APBA1: variants seen among roughly 807,000 people sequenced by gnomAD.
APBA1 encodes amyloid beta precursor protein binding family A member 1.
In APBA1, 55 loss-of-function variants were observed where a neutral mutation model predicts 86.6. The observed-to-expected ratio is 0.64, with a 90% CI of 0.51 to 0.80. APBA1 has a LOEUF of 0.80. Among genes scored for constraint, APBA1 ranks in the 30% least tolerant of loss-of-function variants. The probability of loss-of-function intolerance (pLI) is 0.00; values close to 1 mark genes in which losing one functional copy is unlikely to be tolerated. For synonymous variants in APBA1, 511 were observed against 493.9 expected (o/e 1.03, Z -0.46); for missense variants, 1,090 against 1,183.0 (o/e 0.92, Z 1.15).
In APBA1 at chr9:69,431,235, G is replaced by C; in HGVS notation, c.*92C>G. On this transcript the variant is annotated 3_prime_UTR_variant, in exon 13 of 13. Coordinates refer to ENST00000265381, the MANE Select transcript of APBA1 (RefSeq NM_001163.4). ...GTAAAACCAAATGCTGGGCGCGAGA[G>C]GGGAAAGTCTCAGTGGACACAGGGA... The C allele has an allele frequency of 1.0e-6, 1 of 974,300 alleles. No individual in the cohort carries two copies. The highest frequency in any genetic ancestry group is 1.5e-6 in the Non-Finnish European group (1 of 669,986). The allele number at this position is 974,300 out of a possible 1,614,324, so 60.4% of individuals were successfully genotyped here. A position where few individuals can be genotyped will look rare whatever the true frequency, so the allele number is the denominator to read the frequency against.
intron 1 of APBA1, among the ~76,000 whole-genome samples, chr9:69,620,536 G>A (rs1335818462): frequency 6.6e-6 from 1 of 152,186 alleles, no homozygotes; most frequent in Admixed American, 6.5e-5. Flanking sequence ...AATTAGCTGG[G>A]CATGGTGGCA....
At chr9:69,432,018 ATGACAGCAGTGATGAC>A (rs1262265258) in intron 12 of APBA1, among the ~76,000 whole-genome samples, 3 of 148,826 alleles carry the variant, frequency 2.0e-5, no homozygotes, top group East Asian at 3.9e-4. Flanking sequence ...GCAGTGATGA[ATGACAGCAGTGATGAC>A]TGACAGTAGT....
chr9:69,427,832 A>AAATAC lies in APBA1; in HGVS notation c.*3490_*3494dup, dbSNP rs149737928. 1,425 of 152,264 alleles carry AAATAC rather than the reference A, an allele frequency of 9.4e-3. 15 individuals are homozygous for AAATAC. Among genetic ancestry groups the AAATAC allele is most frequent in the African/African-American group, 0.032 (1,344 of 41,538 alleles). 9.4% of individuals were successfully genotyped at this position (152,264 alleles called of 1,614,324 possible). ...TGTATACAAAGAACGATATTGTTAC[A>AAATAC]AATACAATACTATACTTCTCCCGAC... is the stretch of plus-strand genomic sequence containing the variant. On this transcript the variant is annotated 3_prime_UTR_variant, in exon 13 of 13. Coordinates refer to ENST00000265381, the MANE Select transcript of APBA1 (RefSeq NM_001163.4).
At chr9:69,656,413 G>C (rs1823612666) in intron 1 of APBA1, among the ~76,000 whole-genome samples, 1 of 152,122 alleles carries the variant, frequency 6.6e-6, no homozygotes, top group Non-Finnish European at 1.5e-5. Flanking sequence ...CAGCAAAAAA[G>C]GAATGAATCA....
intron 1 of APBA1, among the ~76,000 whole-genome samples, chr9:69,554,297 A>G (rs1836829741): frequency 6.6e-6 from 1 of 152,226 alleles, no homozygotes; most frequent in African/African-American, 2.4e-5. Flanking sequence ...AGGGGCATTA[A>G]GTAAATTAAG....
At chr9:69,523,499 A>ATG (rs1311222029) in intron 1 of APBA1, among the ~76,000 whole-genome samples, 1,445 of 30,784 alleles carry the variant, frequency 0.047, 4 homozygotes, top group South Asian at 0.1. Flanking sequence ...ATATATATGT[A>ATG]TATATATATA....
chr9:69,580,961 T>C (rs1821903922), intron 1 of APBA1, among the ~76,000 whole-genome samples: 1 of 152,166 alleles, frequency 6.6e-6, no homozygotes, highest in Admixed American at 6.6e-5. Context: ...CCTGGATCCA[T>C]CTTTGCCATG....
At chr9:69,495,519 C>A (rs1448348847) in intron 2 of APBA1, among the ~76,000 whole-genome samples, 1 of 152,032 alleles carries the variant, frequency 6.6e-6, no homozygotes, top group Non-Finnish European at 1.5e-5. Context: ...CAACTGGTAA[C>A]AGGAGATGTG....
At chr9:69,487,262 C>T (rs1182370364) in intron 2 of APBA1, among the ~76,000 whole-genome samples, 1 of 151,992 alleles carries the variant, frequency 6.6e-6, no homozygotes, top group Non-Finnish European at 1.5e-5. Context: ...TCTATGTGGG[C>T]CATTCATTCA....
rs1029044715 is a variant in APBA1 at position 69,516,680 on chromosome 9, G to A, written c.531C>T (p.Arg177=). The A allele has an allele frequency of 6.8e-6, 11 of 1,610,124 alleles. No homozygotes were observed. Among genetic ancestry groups the A allele is most frequent in the Admixed American group, 5.0e-5 (3 of 59,792 alleles). ...GYVYTHRLFH[R]GEDEPYSEPY... ...GCTCGGAGTAGGGCTCGTCCTCACC[G>A]CGGTGGAAGAGCCGGTGCGTGTAGA... Residue 177 remains arginine (R), a synonymous_variant, in exon 2 of 13, where the codon CGC becomes CGT. Coordinates refer to ENST00000265381, the MANE Select transcript of APBA1 (RefSeq NM_001163.4). The surrounding 1 kb of genome is among the most constrained non-coding windows in gnomAD (Gnocchi z 7.3).
Position 69,429,844 on chromosome 9 carries a change from T to A in APBA1, c.*1483A>T, listed in dbSNP as rs139220399. 6.6e-6 allele frequency: 1 copy of A among 152,030 alleles called. No individual in the cohort carries two copies. Among genetic ancestry groups the A allele is most frequent in the Non-Finnish European group, 1.5e-5 (1 of 68,028 alleles). The allele number at this position is 152,030 out of a possible 1,614,324, so 9.4% of individuals were successfully genotyped here. A position where few individuals can be genotyped will look rare whatever the true frequency, so the allele number is the denominator to read the frequency against. ...CAAAATATAATAGTTTCTCTTCCCCTGTCTCTACTGAGGTCATGAATGAAA... is the reference window on the plus strand; with the variant it reads ...CAAAATATAATAGTTTCTCTTCCCCAGTCTCTACTGAGGTCATGAATGAAA... On this transcript the variant is annotated 3_prime_UTR_variant, in exon 13 of 13. Transcript: ENST00000265381.
At chr9:69,533,338 GT>G (rs1478794873) in intron 1 of APBA1, among the ~76,000 whole-genome samples, 3 of 152,062 alleles carry the variant, frequency 2.0e-5, no homozygotes, top group Non-Finnish European at 4.4e-5. Flanking sequence ...ACATTACGAT[GT>G]TTGAACCATG....
At chr9:69,592,524 G>A (rs1822151056) in intron 1 of APBA1, among the ~76,000 whole-genome samples, 1 of 152,210 alleles carries the variant, frequency 6.6e-6, no homozygotes, top group Admixed American at 6.5e-5. Flanking sequence ...TGAGCCAGGA[G>A]TTCAAAGTTA....
rs1823719650 is a variant in APBA1, at chr9:69,660,014, C to T, written c.-70+12139G>A. ...TCTTCCCACCCCTTAACTACATACC[C>T]ACGTGCACACACTTACACACAATCC... On this transcript the variant is annotated intron_variant, in intron 1 of 12. Coordinates refer to ENST00000265381, the MANE Select transcript of APBA1 (RefSeq NM_001163.4). 2.0e-5 allele frequency among the ~76,000 whole-genome samples: 3 copies of T among 152,278 alleles called. No individual in the cohort carries two copies. In the South Asian group the frequency reaches 6.2e-4, roughly 32 times the overall value.
chr9:69,643,146 A>C (rs1404628347), intron 1 of APBA1, among the ~76,000 whole-genome samples: 2 of 152,080 alleles, frequency 1.3e-5, no homozygotes, highest in African/African-American at 4.8e-5. Flanking sequence ...AATACTCTGC[A>C]CTTACATTTG....
At chr9:69,548,363 A>G (rs554964814) in intron 1 of APBA1, among the ~76,000 whole-genome samples, 4 of 152,316 alleles carry the variant, frequency 2.6e-5, no homozygotes, top group East Asian at 1.9e-4. Flanking sequence ...TTTTAGCTCC[A>G]TGGGACCTGT....
At chr9:69,627,879 C>T (rs1452398910) in intron 1 of APBA1, among the ~76,000 whole-genome samples, 2 of 152,146 alleles carry the variant, frequency 1.3e-5, no homozygotes, top group African/African-American at 4.8e-5. Context: ...CTAACAGGCA[C>T]TGGTGGGGGA....
intron 2 of APBA1, among the ~76,000 whole-genome samples, chr9:69,514,839 A>G (rs7036621): frequency 0.99 from 151,403 of 152,248 alleles, 75,287 homozygotes; most frequent in Middle Eastern, 1. Flanking sequence ...CCTGGGAGGC[A>G]GAGGTTACGG....
Position 69,649,767 on chromosome 9 carries a change from T to C in APBA1, c.-70+22386A>G, listed in dbSNP as rs374568328. On this transcript the variant is annotated intron_variant, in intron 1 of 12. Transcript: ENST00000265381. ...CTCTTGCCAAACAAGAGTCAGTTTT[T>C]CAGGGCCTCAGAGGGTCTGGAGGAA... Among the ~76,000 whole-genome samples, 136 of 152,216 alleles carry C rather than the reference T, an allele frequency of 8.9e-4. 1 individual carries two copies. The South Asian group carries it at 0.027, about 30-fold the overall frequency.
Sources: allele counts gnomAD v4.1 joint callset (sites outside exome capture counted in the v4.1 genomes callset), GRCh38; gene constraint gnomAD v4.1.1; non-coding constraint Gnocchi (gnomAD v3.1); transcripts MANE v1.5; gene names NCBI Gene and HGNC (gene_info 2026-07-23, HGNC 2026-07-21).